RNF220: variants seen among roughly 807,000 people sequenced by gnomAD.
RNF220 encodes the protein E3 ubiquitin-protein ligase RNF220.
Under a neutral mutation model 67.1 loss-of-function variants are expected in RNF220, and 7 were observed. The ratio of observed to expected loss-of-function variants is 0.10; its 90% confidence interval spans 0.06 to 0.20. The LOEUF is 0.20. Ranked by LOEUF, RNF220 falls within the 10% of genes least tolerant of loss-of-function variation. The pLI, the probability that RNF220 is intolerant of heterozygous loss-of-function variation, is 1.00. For missense variants in RNF220, 565 were observed against 740.3 expected, an observed-to-expected ratio of 0.76 and a Z score of 2.75; for synonymous variants, 270 against 283.2, an observed-to-expected ratio of 0.95 and a Z score of 0.47.
chr1:44,526,919 A>C (rs1660422421), intron 2 of RNF220, among the ~76,000 whole-genome samples: 1 of 151,718 alleles, frequency 6.6e-6, no homozygotes, highest in Non-Finnish European at 1.5e-5. Flanking sequence ...AGCTTCTCTG[A>C]CTCATCTCTT....
chr1:44,545,032 A>T (rs148005564), intron 2 of RNF220, among the ~76,000 whole-genome samples: 11 of 152,352 alleles, frequency 7.2e-5, no homozygotes, highest in African/African-American at 2.6e-4. Flanking sequence ...CCACAAACAA[A>T]GCGGGCTAAA....
chr1:44,550,927 A>C (rs2148255169), intron 2 of RNF220, among the ~76,000 whole-genome samples: 1 of 152,062 alleles, frequency 6.6e-6, no homozygotes, highest in South Asian at 2.1e-4. Flanking sequence ...ACACACTTGA[A>C]CCATGCTTTC....
rs368807393 is a variant in RNF220 at position 44,621,072 on chromosome 1, C to T, written c.759-1670C>T. On this transcript the variant is annotated intron_variant, in intron 3 of 14. Coordinates refer to ENST00000361799, the MANE Select transcript of RNF220 (RefSeq NM_018150.4). This position sits in a 1 kb window ranked among gnomAD's most constrained non-coding sequence, Gnocchi z 4.8. The stretch of plus-strand genomic sequence containing the variant: ...CTGGGATTACAGGCGCCTGCCACCA[C>T]GCCCAGCTAATTTTTGTATTTTTAG... Among the ~76,000 whole-genome samples the T allele has an allele frequency of 1.8e-4, 28 of 152,126 alleles. No homozygotes were observed. The highest frequency in any genetic ancestry group is 6.8e-4 in the African/African-American group (28 of 41,432).
At chr1:44,518,892 A>AC (rs202036505) in intron 2 of RNF220, among the ~76,000 whole-genome samples, 3,347 of 151,912 alleles carry the variant, frequency 0.022, 127 homozygotes, top group African/African-American at 0.074. Context: ...AAAAAAACAA[A>AC]AAAAAAAAAA....
intron 3 of RNF220, among the ~76,000 whole-genome samples, chr1:44,618,693 G>A (rs1264893648): frequency 1.3e-5 from 2 of 152,182 alleles, no homozygotes; most frequent in Admixed American, 6.5e-5. Context: ...GTCAGAGAGA[G>A]ACAAGTGGGA....
intron 2 of RNF220, among the ~76,000 whole-genome samples, chr1:44,486,135 C>T (rs1656277717): frequency 6.6e-6 from 1 of 152,140 alleles, no homozygotes; most frequent in African/African-American, 2.4e-5. Context: ...TCTCCCAGAC[C>T]GTCTTCCTTT....
intron 2 of RNF220, among the ~76,000 whole-genome samples, chr1:44,496,215 G>A (rs924233062): frequency 1.3e-5 from 2 of 152,058 alleles, no homozygotes; most frequent in South Asian, 4.1e-4. Context: ...GGGAGAATGA[G>A]CTCAGCTTTT....
intron 2 of RNF220, among the ~76,000 whole-genome samples, chr1:44,532,701 C>G (rs1660922973): frequency 6.6e-6 from 1 of 152,188 alleles, no homozygotes; most frequent in African/African-American, 2.4e-5. Flanking sequence ...GACTTGAGTG[C>G]TTGTTGTATG....
intron 2 of RNF220, among the ~76,000 whole-genome samples, chr1:44,538,020 A>T (rs1661371232): frequency 6.6e-6 from 1 of 152,094 alleles, no homozygotes; most frequent in South Asian, 2.1e-4. Context: ...GTTAAATCTC[A>T]CCTGTATGCC....
chr1:44,500,571 G>A (rs1042577604), intron 2 of RNF220, among the ~76,000 whole-genome samples: 2 of 152,212 alleles, frequency 1.3e-5, no homozygotes, highest in Non-Finnish European at 2.9e-5. Flanking sequence ...TCCCCAATGA[G>A]CGTGTATGAT....
chr1:44,563,084 A>G (rs768599614), intron 2 of RNF220, among the ~76,000 whole-genome samples: 1 of 152,210 alleles, frequency 6.6e-6, no homozygotes, highest in Non-Finnish European at 1.5e-5. Context: ...CCAGAGGGGG[A>G]TGCACTTATG....
At chr1:44,603,666 C>T (rs556217643) in intron 2 of RNF220, among the ~76,000 whole-genome samples, 2 of 152,254 alleles carry the variant, frequency 1.3e-5, no homozygotes, top group South Asian at 4.1e-4. Context: ...TCAGCCTTAG[C>T]AGCACGTGGC....
chr1:44,581,570 A>G (rs1348867089), intron 2 of RNF220, among the ~76,000 whole-genome samples: 1 of 152,244 alleles, frequency 6.6e-6, no homozygotes, highest in Non-Finnish European at 1.5e-5. Context: ...ACGGAAAGTC[A>G]GGACCAAACC....
At chr1:44,566,007 G>A (rs1487033241) in intron 2 of RNF220, among the ~76,000 whole-genome samples, 2 of 152,128 alleles carry the variant, frequency 1.3e-5, no homozygotes. Context: ...TCTATCAGAG[G>A]GGCACACGCT....
chr1:44,444,414 T>C (rs1253618600), intron 2 of RNF220, among the ~76,000 whole-genome samples: 1 of 152,102 alleles, frequency 6.6e-6, no homozygotes, highest in Non-Finnish European at 1.5e-5. Flanking sequence ...TTTTTATTGC[T>C]GTGTAATGCC....
rs1230998271 is a variant in RNF220, at chr1:44,651,613, C to G, written c.*838C>G. On this transcript the variant is annotated 3_prime_UTR_variant, in exon 15 of 15. Transcript: ENST00000361799. ...AGGGAAAAAGTGTCGTCTCCCCGACCCTCCCGTGGGCCCTGTGGTGTGATG... is the reference window on the plus strand; with the variant it reads ...AGGGAAAAAGTGTCGTCTCCCCGACGCTCCCGTGGGCCCTGTGGTGTGATG... The G allele has an allele frequency of 6.6e-6, 1 of 152,526 alleles. No individual in the cohort carries two copies. The highest frequency in any genetic ancestry group is 1.5e-5 in the Non-Finnish European group (1 of 68,184). The allele number at this position is 152,526 out of a possible 1,614,324, so 9.4% of individuals were successfully genotyped here. A position where few individuals can be genotyped will look rare whatever the true frequency, so the allele number is the denominator to read the frequency against.
intron 2 of RNF220, among the ~76,000 whole-genome samples, chr1:44,424,975 G>A (rs559082971): frequency 1.3e-5 from 2 of 152,338 alleles, no homozygotes; most frequent in South Asian, 4.1e-4. Context: ...GTCCTCTTCC[G>A]CAACCCTTGA....
intron 2 of RNF220, among the ~76,000 whole-genome samples, chr1:44,435,311 C>G (rs1650852367): frequency 6.6e-6 from 1 of 152,220 alleles, no homozygotes; most frequent in Non-Finnish European, 1.5e-5. Flanking sequence ...ACTCCCAGAG[C>G]TTGGGGCTTC....
chr1:44,607,321 A>T (rs1023988410), intron 2 of RNF220, among the ~76,000 whole-genome samples: 1 of 152,170 alleles, frequency 6.6e-6, no homozygotes, highest in Non-Finnish European at 1.5e-5. Context: ...TGTTTAAAAA[A>T]AATAACCAAA....
Sources: gnomAD v4.1 joint callset for allele counts (sites outside exome capture counted in the v4.1 genomes callset) on GRCh38, gnomAD v4.1.1 for gene constraint, Gnocchi (gnomAD v3.1) non-coding constraint, MANE v1.5 for transcripts, NCBI Gene and HGNC (gene_info 2026-07-23, HGNC 2026-07-21) for gene names.